The following DSTYK variants were observed in gnomAD, a reference collection of about 807,000 sequenced individuals.
DSTYK encodes dual serine/threonine and tyrosine protein kinase.
DSTYK carries 34 observed loss-of-function variants against 98.7 expected under a neutral mutation model. The observed-to-expected ratio is 0.34, with a 90% confidence interval of 0.26 to 0.46. The LOEUF is 0.46. Among genes scored for constraint, DSTYK ranks in the 20% least tolerant of loss-of-function variants. DSTYK has a pLI of 1.00. For missense variants in DSTYK, 962 were observed against 1,181.7 expected (o/e 0.81, Z 2.73); for synonymous variants, 462 against 457.3 (o/e 1.01, Z -0.13).
rs1188039354 is a variant in DSTYK at position 205,211,396 on chromosome 1, T to G, written c.140A>C (p.Glu47Ala). 1.6e-5 allele frequency: 26 copies of G among 1,611,702 alleles called. No homozygotes were observed. The highest frequency in any genetic ancestry group is 2.2e-5 in the Non-Finnish European group (26 of 1,179,444). Reference protein sequence around the residue: ...YLGRLRQNLRETQKFFRDIKC... With the variant: ...YLGRLRQNLRATQKFFRDIKC... Reference sequence around the variant, plus strand: ...GATGTCGCGGAAGAACTTCTGGGTCTCGCGCAGGTTCTGTCGCAGCCGTCC... The same window carrying G: ...GATGTCGCGGAAGAACTTCTGGGTCGCGCGCAGGTTCTGTCGCAGCCGTCC... The change falls in exon 1 of 13, where the codon GAG becomes GCG. Residue 47 changes from glutamate to alanine, a missense_variant. Transcript: ENST00000367162.
At chr1:205,206,128 C>A (rs952953246) in intron 1 of DSTYK, among the ~76,000 whole-genome samples, 2 of 152,196 alleles carry the variant, frequency 1.3e-5, no homozygotes, top group African/African-American at 4.8e-5. Context: ...CTGATCTTCA[C>A]TGGCCTAAGG....
At chr1:205,200,965 G>A (rs1659015651) in intron 1 of DSTYK, among the ~76,000 whole-genome samples, 1 of 151,954 alleles carries the variant, frequency 6.6e-6, no homozygotes. Context: ...GAGTGCAATG[G>A]TGCAATCTTG....
chr1:205,181,448 TGGTTCA>T (rs1217026800), intron 2 of DSTYK, among the ~76,000 whole-genome samples: 1 of 151,944 alleles, frequency 6.6e-6, no homozygotes, highest in Non-Finnish European at 1.5e-5. Context: ...TCTGCCTCCC[TGGTTCA>T]AGTGATTCTC....
intron 6 of DSTYK, 142 bp from the exon 7 acceptor site, chr1:205,161,529 G>GTCT: frequency 2.3e-6 from 2 of 880,960 alleles, no homozygotes; most frequent in Non-Finnish European, 3.4e-6. Flanking sequence ...TTAGCACAGA[G>GTCT]ACTGGCACAG....
At chr1:205,166,463 C>T (rs1406266532) in intron 3 of DSTYK, among the ~76,000 whole-genome samples, 2 of 145,434 alleles carry the variant, frequency 1.4e-5, no homozygotes, top group East Asian at 2.2e-4. Context: ...AGCAAGACCT[C>T]GTCTTTACAA....
At chr1:205,203,785 G>A (rs1200211749) in intron 1 of DSTYK, among the ~76,000 whole-genome samples, 2 of 151,886 alleles carry the variant, frequency 1.3e-5, no homozygotes, top group Non-Finnish European at 2.9e-5. Flanking sequence ...GCATGGTGGT[G>A]TGTGCCTGTA....
At chr1:205,201,405 CAAAAAAAA>C (rs67120994) in intron 1 of DSTYK, among the ~76,000 whole-genome samples, 1,861 of 95,476 alleles carry the variant, frequency 0.019, 53 homozygotes, top group African/African-American at 0.076. Flanking sequence ...TTTTTTAATG[CAAAAAAAA>C]AAAAAAAAAA....
intron 3 of DSTYK, among the ~76,000 whole-genome samples, chr1:205,165,256 C>T (rs1558606735): frequency 6.6e-6 from 1 of 151,984 alleles, no homozygotes; most frequent in African/African-American, 2.4e-5. Context: ...CCACGCCAGA[C>T]TAATTTTTGT....
At position 205,147,258 on chromosome 1, in the gene DSTYK, T is replaced by C; in HGVS notation, c.*300A>G. The C allele has an allele frequency of 7.7e-6, 2 of 260,662 alleles. No individual in the cohort carries two copies. The highest frequency in any genetic ancestry group is 2.3e-4 in the South Asian group (2 of 8,776). 16.1% of individuals were successfully genotyped at this position (260,662 alleles called of 1,614,324 possible). ...AGTATATACAGTGAAAAGACAATGG[T>C]AACATCTGCCTCCTTTTCATTTGTG... On this transcript the variant is annotated 3_prime_UTR_variant, in exon 13 of 13. Transcript: ENST00000367162.
intron 8 of DSTYK, 126 bp downstream of exon 8, chr1:205,159,986 CAT>C (rs1657669014): frequency 1.8e-6 from 2 of 1,107,334 alleles, no homozygotes; most frequent in Non-Finnish European, 2.7e-6. Flanking sequence ...AAAGGGAGCA[CAT>C]GTCTGTTAGA....
chr1:205,177,846 G>T (rs541199250), intron 2 of DSTYK, among the ~76,000 whole-genome samples: 2 of 150,802 alleles, frequency 1.3e-5, no homozygotes, highest in South Asian at 4.2e-4. Context: ...CAGCCTGGGA[G>T]ACAGAGCGAG....
intron 2 of DSTYK, among the ~76,000 whole-genome samples, chr1:205,177,603 A>G (rs1658269400): frequency 6.6e-6 from 1 of 152,178 alleles, no homozygotes; most frequent in East Asian, 1.9e-4. Flanking sequence ...GTGGTGGCTC[A>G]TGCCTGTAAT....
intron 2 of DSTYK, among the ~76,000 whole-genome samples, chr1:205,178,098 T>A (rs186660911): frequency 6.6e-6 from 1 of 152,020 alleles, no homozygotes. Flanking sequence ...AGGCCAGATA[T>A]AAGACTTAGA....
rs1241841144 is a variant in DSTYK, at chr1:205,211,530, C to A, written c.6G>T (p.Glu2Asp). 2 of 1,536,432 alleles carry A rather than the reference C, an allele frequency of 1.3e-6. No individual in the cohort carries two copies. The highest frequency in any genetic ancestry group is 2.4e-5 in the East Asian group (1 of 41,022). M[E>D]GDGVPWGSEP... The stretch of plus-strand genomic sequence containing the variant: ...CGCTGCCCCATGGCACCCCGTCGCC[C>A]TCCATCGCCTCTGCCCGCTCTGTCT... Residue 2 changes from glutamate (E) to aspartate (D), a missense_variant, in exon 1 of 13, where the codon GAG becomes GAT. Glu to Asp is a conservative substitution (Grantham distance 45). Transcript: ENST00000367162.
chr1:205,169,218 T>C lies in DSTYK; in HGVS notation c.1269A>G (p.Thr423=), dbSNP rs1045148137. The C allele has an allele frequency of 6.2e-7, 1 of 1,613,424 alleles. No homozygotes were observed. Among genetic ancestry groups the C allele is most frequent in the South Asian group, 1.1e-5 (1 of 90,942 alleles). Residue 423 remains threonine, a synonymous_variant, in exon 3 of 13, where the codon ACA becomes ACG. Coordinates refer to ENST00000367162, the MANE Select transcript of DSTYK (RefSeq NM_015375.3). The surrounding 1 kb of genome is among the most constrained non-coding windows in gnomAD (Gnocchi z 4.0). Reference sequence around the variant, plus strand: ...GAAGTTCCTCCTTCATGGTATTAAGTGTCTCAACAATCATATCCTTCATTT... The same window carrying C: ...GAAGTTCCTCCTTCATGGTATTAAGCGTCTCAACAATCATATCCTTCATTT... ...QEEMKDMIVE[T]LNTMKEELLD... is the part of the protein sequence containing the mutation.
In DSTYK at chr1:205,150,901, G is replaced by T. The variant is rs534508154; in HGVS notation, c.2353-107C>A. 8.0e-5 allele frequency: 67 copies of T among 838,316 alleles called. No homozygotes were observed. The Admixed American group carries it at 1.4e-3, about 18-fold the overall frequency. 51.9% of individuals were successfully genotyped at this position (838,316 alleles called of 1,614,324 possible). A position where few individuals can be genotyped will look rare whatever the true frequency, so the allele number is the denominator to read the frequency against. ...ACCTCAAAGTAGTGTCACTGGATAGGATTATGCTCTGAAAATGAGTTGTCA... is the reference window on the plus strand; with the variant it reads ...ACCTCAAAGTAGTGTCACTGGATAGTATTATGCTCTGAAAATGAGTTGTCA... On this transcript the variant is annotated intron_variant, in intron 10 of 12. Transcript: ENST00000367162. The surrounding 1 kb of genome is among the most constrained non-coding windows in gnomAD (Gnocchi z 4.1).
At chr1:205,175,292 C>T (rs1258435850) in intron 2 of DSTYK, among the ~76,000 whole-genome samples, 1 of 151,272 alleles carries the variant, frequency 6.6e-6, no homozygotes, top group Non-Finnish European at 1.5e-5. Flanking sequence ...CAGGGTTTCA[C>T]CATGTTATCC....
At chr1:205,179,478 G>T (rs958412550) in intron 2 of DSTYK, among the ~76,000 whole-genome samples, 4 of 151,850 alleles carry the variant, frequency 2.6e-5, no homozygotes, top group Admixed American at 2.0e-4. Flanking sequence ...AAAATTAGCC[G>T]GGCGTGGTGG....
chr1:205,211,687 G>C lies in DSTYK; in HGVS notation c.-152C>G. 9.2e-7 allele frequency: 1 copy of C among 1,092,580 alleles called. No homozygotes were observed. Among genetic ancestry groups the C allele is most frequent in the African/African-American group, 1.7e-5 (1 of 59,766 alleles). 67.7% of individuals were successfully genotyped at this position (1,092,580 alleles called of 1,614,324 possible). ...GCTCCCAACCTCCGTCACTGCCGTT[G>C]CAAACAAACCAAACCGCAGTGCGCC... On this transcript the variant is annotated 5_prime_UTR_variant, in exon 1 of 13. Coordinates refer to ENST00000367162, the MANE Select transcript of DSTYK (RefSeq NM_015375.3).
Sources: allele counts gnomAD v4.1 joint callset (sites outside exome capture counted in the v4.1 genomes callset), GRCh38; gene constraint gnomAD v4.1.1; non-coding constraint Gnocchi (gnomAD v3.1); transcripts MANE v1.5; gene names NCBI Gene and HGNC (gene_info 2026-07-23, HGNC 2026-07-21).